CENPE: variants seen among roughly 807,000 people sequenced by gnomAD.
CENPE encodes centromere protein E.
A neutral mutation model predicts 336.1 loss-of-function variants in CENPE; 145 were observed. That is an observed-to-expected ratio of 0.43 (90% CI 0.38 to 0.50). The LOEUF (loss-of-function observed/expected upper bound fraction) is 0.50. Ranked by LOEUF, CENPE falls within the 20% of genes least tolerant of loss-of-function variation. The probability of loss-of-function intolerance (pLI) is 0.00; values close to 1 mark genes in which losing one functional copy is unlikely to be tolerated. For missense variants in CENPE, 2,719 were observed against 3,023.3 expected (o/e 0.90, Z 2.36); for synonymous variants, 1,013 against 984.8 (o/e 1.03, Z -0.54).
intron 36 of CENPE, 38 bp from the exon 37 acceptor site, chr4:103,140,452 A>G (rs1312497674): frequency 2.9e-6 from 4 of 1,367,840 alleles, no homozygotes; most frequent in Non-Finnish European, 3.0e-6. Flanking sequence ...GTAATGATAT[A>G]AAGGCACGTT....
intron 18 of CENPE, among the ~76,000 whole-genome samples, chr4:103,161,659 A>C (rs1029795736): frequency 3.9e-5 from 6 of 152,176 alleles, no homozygotes; most frequent in African/African-American, 1.4e-4. Context: ...AAATTATATA[A>C]GCAATATATC....
intron 35 of CENPE, 28 bp from the exon 36 acceptor site, chr4:103,141,132 A>C (rs1484800688): frequency 7.3e-7 from 1 of 1,372,112 alleles, no homozygotes; most frequent in African/African-American, 1.5e-5. Context: ...ATAATATGTT[A>C]GGTGGCTTTT....
At chr4:103,186,715 G>A (rs186973944) in intron 8 of CENPE, among the ~76,000 whole-genome samples, 1 of 152,288 alleles carries the variant, frequency 6.6e-6, no homozygotes, top group East Asian at 1.9e-4. Flanking sequence ...TAAGAAACAT[G>A]TTGTGATAAG....
chr4:103,122,957 A>G lies in CENPE; in HGVS notation c.7057T>C (p.Leu2353=). 6.2e-7 allele frequency: 1 copy of G among 1,613,994 alleles called. No homozygotes were observed. The change falls in exon 43 of 49, where the codon TTG becomes CTG. Residue 2353 remains leucine, a synonymous_variant. Coordinates refer to ENST00000265148, the MANE Select transcript of CENPE (RefSeq NM_001813.3). ...GGATTAACCTGGGCACCAGATGCCA[A>G]GGAAGTCTTCAATGTTTGGTAGTTT... ...FKNYQTLKTS[L]ASGAQVNPTT...
chr4:103,161,732 G>C (rs1378743306), intron 18 of CENPE, among the ~76,000 whole-genome samples: 1 of 152,046 alleles, frequency 6.6e-6, no homozygotes, highest in Non-Finnish European at 1.5e-5. Context: ...AACAACTGTT[G>C]TTCGGCAAGG....
rs112604449 is a variant in CENPE, at chr4:103,194,107, A to AT, written c.693+121dup. ...TGATACTGACAAGACTAAGCAGACAATTTGTAGATTTCCTCCCACATTTAG... is the reference window on the plus strand; with the variant it reads ...TGATACTGACAAGACTAAGCAGACAATTTTGTAGATTTCCTCCCACATTTAG... On this transcript the variant is annotated intron_variant, in intron 8 of 48. Transcript: ENST00000265148. The AT allele has an allele frequency of 1.0e-4, 71 of 705,954 alleles. No homozygotes were observed. In the African/African-American group the frequency reaches 1.0e-3, roughly 10 times the overall value. 43.7% of individuals were successfully genotyped at this position (705,954 alleles called of 1,614,324 possible). A position where few individuals can be genotyped will look rare whatever the true frequency, so the allele number is the denominator to read the frequency against.
chr4:103,182,426 G>C (rs1422770240), intron 11 of CENPE, among the ~76,000 whole-genome samples: 8 of 151,912 alleles, frequency 5.3e-5, no homozygotes, highest in African/African-American at 1.9e-4. Flanking sequence ...AATTTTTTTT[G>C]TTACCTTCTA....
At chr4:103,184,012 T>G (rs1436226778) in intron 9 of CENPE, among the ~76,000 whole-genome samples, 1 of 152,198 alleles carries the variant, frequency 6.6e-6, no homozygotes, top group African/African-American at 2.4e-5. Flanking sequence ...TCAGACTTCA[T>G]TCACCCACCC....
At chr4:103,187,240 C>G (rs1302810973) in intron 8 of CENPE, among the ~76,000 whole-genome samples, 2 of 152,164 alleles carry the variant, frequency 1.3e-5, no homozygotes, top group Non-Finnish European at 2.9e-5. Flanking sequence ...TTCACATAGT[C>G]CCATATTTCT....
At chr4:103,161,045 G>A in intron 20 of CENPE, 41 bp downstream of exon 20, 1 of 1,464,684 alleles carries the variant, frequency 6.8e-7, no homozygotes, top group Non-Finnish European at 9.3e-7. Context: ...ATTTCTAGAA[G>A]AAGTCAGATT....
intron 16 of CENPE, among the ~76,000 whole-genome samples, chr4:103,173,306 A>ATG (rs1253759882): frequency 6.6e-6 from 1 of 152,058 alleles, no homozygotes; most frequent in African/African-American, 2.4e-5. Context: ...GAATATCTAT[A>ATG]TGTTGAAGAA....
intron 43 of CENPE, among the ~76,000 whole-genome samples, chr4:103,121,973 T>C (rs1338756056): frequency 1.3e-5 from 2 of 152,212 alleles, no homozygotes; most frequent in African/African-American, 2.4e-5. Flanking sequence ...ACTGCTCTAC[T>C]TGTCCATTTT....
chr4:103,137,293 CTGG>C (rs1182431222), intron 39 of CENPE, among the ~76,000 whole-genome samples: 2 of 152,090 alleles, frequency 1.3e-5, no homozygotes, highest in African/African-American at 4.8e-5. Flanking sequence ...TGCAATAAAT[CTGG>C]ACCCATAGAC....
chr4:103,197,037 G>T (rs1578708619), intron 1 of CENPE, among the ~76,000 whole-genome samples, 187 bp from the exon 2 acceptor site: 1 of 152,198 alleles, frequency 6.6e-6, no homozygotes, highest in Admixed American at 6.5e-5. Flanking sequence ...CCTCAAAAGT[G>T]TTTTCTTGTG....
intron 7 of CENPE, 23 bp from the exon 8 acceptor site, chr4:103,194,317 AG>A (rs1364535763): frequency 1.7e-5 from 27 of 1,611,224 alleles, no homozygotes; most frequent in Non-Finnish European, 2.1e-5. Context: ...GGCAAGCTGT[AG>A]AAAAATTAGT....
In CENPE at chr4:103,147,523, G is replaced by A. The variant is rs946936541; in HGVS notation, c.3967C>T (p.Leu1323=). 3 of 1,613,912 alleles carry A rather than the reference G, an allele frequency of 1.9e-6. No individual in the cohort carries two copies. Among genetic ancestry groups the A allele is most frequent in the African/African-American group, 2.7e-5 (2 of 74,896 alleles). Residue 1323 remains leucine, a synonymous_variant, in exon 29 of 49, where the codon CTG becomes TTG. Coordinates refer to ENST00000265148, the MANE Select transcript of CENPE (RefSeq NM_001813.3). ...AGCCTTTCCATTTCTATTCTTGCCAGTGTTGTTGAGTCCTTGGTTGTGGAC... is the reference window on the plus strand; with the variant it reads ...AGCCTTTCCATTTCTATTCTTGCCAATGTTGTTGAGTCCTTGGTTGTGGAC... The part of the protein sequence containing the change: ...EQSTTKDSTT[L]ARIEMERLRL...
rs1752433294 is a variant in CENPE, at chr4:103,140,299, A to T, written c.5870T>A (p.Ile1957Asn). Residue 1957 changes from isoleucine (I) to asparagine (N), a missense_variant, in exon 37 of 49, where the codon ATT (isoleucine) becomes AAT (asparagine). Transcript: ENST00000265148. ...TTTTGATTTATCTAAATCCTTTTGA[A>T]TGTCTGAAATTTGAATTGTCTTTTC... Reference protein sequence around the residue: ...ISEKTIQISDIQKDLDKSKDE... With the variant: ...ISEKTIQISDNQKDLDKSKDE... 6.2e-7 allele frequency: 1 copy of T among 1,604,484 alleles called. No homozygotes were observed. Among genetic ancestry groups the T allele is most frequent in the South Asian group, 1.1e-5 (1 of 89,250 alleles).
At chr4:103,114,602 C>T (rs1403988203) in intron 45 of CENPE, 50 bp from the exon 46 acceptor site, 1 of 1,178,064 alleles carries the variant, frequency 8.5e-7, no homozygotes, top group Non-Finnish European at 1.2e-6. Context: ...TGATTTTTTA[C>T]AGGAGAATAA....
intron 43 of CENPE, among the ~76,000 whole-genome samples, chr4:103,122,589 G>A (rs532168008): frequency 6.6e-6 from 1 of 152,294 alleles, no homozygotes; most frequent in South Asian, 2.1e-4. Context: ...GAAAACTTTT[G>A]TGGTAATTGT....
Sources: gnomAD v4.1 joint callset for allele counts (sites outside exome capture counted in the v4.1 genomes callset) on GRCh38, gnomAD v4.1.1 for gene constraint, MANE v1.5 for transcripts, NCBI Gene and HGNC (gene_info 2026-07-23, HGNC 2026-07-21) for gene names.